GPC5: variants seen among roughly 807,000 people sequenced by gnomAD.
GPC5 encodes the protein glypican-5.
A neutral mutation model predicts 53.9 loss-of-function variants in GPC5; 47 were observed. The observed-to-expected ratio is 0.87, with a 90% CI of 0.69 to 1.11. GPC5 has a LOEUF of 1.11. Ranked by LOEUF, GPC5 falls within the 50% of genes most tolerant of loss-of-function variation. The pLI, the probability that GPC5 is intolerant of heterozygous loss-of-function variation, is 0.00. For missense variants in GPC5, 748 were observed against 713.1 expected (o/e 1.05, Z -0.56); for synonymous variants, 286 against 263.3 (o/e 1.09, Z -0.84).
chr13:91,755,463 C>CA (rs995878662), intron 4 of GPC5, among the ~76,000 whole-genome samples: 3 of 151,658 alleles, frequency 2.0e-5, no homozygotes, highest in African/African-American at 4.8e-5. Context: ...TTGTTTATGT[C>CA]AAAAAAAATC....
intron 6 of GPC5, among the ~76,000 whole-genome samples, chr13:92,021,525 T>C (rs975331066): frequency 6.6e-6 from 1 of 152,162 alleles, no homozygotes; most frequent in Non-Finnish European, 1.5e-5. Context: ...TCAGGCAGGA[T>C]GAATAAGCTC....
At chr13:92,585,719 G>A (rs186126408) in intron 7 of GPC5, among the ~76,000 whole-genome samples, 1,535 of 152,266 alleles carry the variant, frequency 0.01, 27 homozygotes, top group South Asian at 0.027. Context: ...GAATTCCCAC[G>A]TGTTGTGAGA....
chr13:91,829,864 G>A (rs1330063262), intron 5 of GPC5, among the ~76,000 whole-genome samples: 1 of 152,092 alleles, frequency 6.6e-6, no homozygotes, highest in Non-Finnish European at 1.5e-5. Context: ...GTCACAGACA[G>A]CAAGTACTTC....
chr13:92,517,036 G>T (rs534996966), intron 7 of GPC5, among the ~76,000 whole-genome samples: 1 of 152,024 alleles, frequency 6.6e-6, no homozygotes, highest in Non-Finnish European at 1.5e-5. Flanking sequence ...GTTATATCCC[G>T]CGCCTGTCTC....
At chr13:92,339,855 T>C (rs1001003041) in intron 7 of GPC5, 1 of 152,142 alleles carries the variant, frequency 6.6e-6, no homozygotes, top group Non-Finnish European at 1.5e-5. Flanking sequence ...ACCTTATAAT[T>C]ATCAGACAGC....
intron 6 of GPC5, among the ~76,000 whole-genome samples, chr13:91,945,074 A>G (rs992890305): frequency 3.9e-5 from 6 of 152,244 alleles, no homozygotes; most frequent in Non-Finnish European, 7.3e-5. Context: ...AGCATATAAT[A>G]CACCGTAATA....
At chr13:92,653,463 C>CT (rs1289956835) in intron 7 of GPC5, among the ~76,000 whole-genome samples, 4 of 152,152 alleles carry the variant, frequency 2.6e-5, no homozygotes, top group East Asian at 3.9e-4. Flanking sequence ...GCTAAAATGT[C>CT]TTTTTTTCAA....
At chr13:92,567,466 G>A (rs549400715) in intron 7 of GPC5, among the ~76,000 whole-genome samples, 3 of 152,198 alleles carry the variant, frequency 2.0e-5, no homozygotes, top group Non-Finnish European at 4.4e-5. Context: ...TCAGTTACAT[G>A]ATCAAGTGGA....
At chr13:92,613,299 A>T (rs190766633) in intron 7 of GPC5, among the ~76,000 whole-genome samples, 1,854 of 114,646 alleles carry the variant, frequency 0.016, 79 homozygotes, top group African/African-American at 0.062. Flanking sequence ...TATATATAAA[A>T]ATATATAATG....
intron 7 of GPC5, among the ~76,000 whole-genome samples, chr13:92,747,471 G>C (rs541000350): frequency 1.3e-5 from 2 of 152,130 alleles, no homozygotes; most frequent in Non-Finnish European, 2.9e-5. Flanking sequence ...TTTAAGGAGA[G>C]AGCATGAGTG....
intron 6 of GPC5, among the ~76,000 whole-genome samples, chr13:92,137,732 C>T (rs1271034059): frequency 1.3e-5 from 2 of 152,134 alleles, no homozygotes; most frequent in East Asian, 3.9e-4. Flanking sequence ...CTTAAGCAAT[C>T]CTCCCACCTC....
intron 7 of GPC5, among the ~76,000 whole-genome samples, chr13:92,707,842 T>G (rs1156899888): frequency 6.6e-6 from 1 of 152,132 alleles, no homozygotes; most frequent in African/African-American, 2.4e-5. Context: ...TTGGCTTGGT[T>G]TGGATTTCTG....
intron 2 of GPC5, among the ~76,000 whole-genome samples, chr13:91,472,818 G>A (rs748212203): frequency 6.6e-5 from 10 of 152,106 alleles, no homozygotes; most frequent in Non-Finnish European, 1.3e-4. Context: ...GGAGAGTAAA[G>A]GATATAATTT....
chr13:92,295,126 G>A lies in GPC5; in HGVS notation c.1561+150137G>A, dbSNP rs192210257. Among the ~76,000 whole-genome samples, 88 of 152,024 alleles carry A rather than the reference G, an allele frequency of 5.8e-4. 1 individual carries two copies. The highest frequency in any genetic ancestry group is 2.1e-3 in the African/African-American group (86 of 41,474). ...ATTACAGGTGTGAGCCACCATGCCC[G>A]GCCCAAACTTTTCGATGTAGGCACT... On this transcript the variant is annotated intron_variant, in intron 7 of 7. Transcript: ENST00000377067.
At chr13:92,628,516 C>T (rs1342174062) in intron 7 of GPC5, among the ~76,000 whole-genome samples, 1 of 152,034 alleles carries the variant, frequency 6.6e-6, no homozygotes, top group Non-Finnish European at 1.5e-5. Flanking sequence ...CGTGTCCATG[C>T]TCAGCCCTAG....
chr13:92,296,755 T>C (rs2043038110), intron 7 of GPC5, among the ~76,000 whole-genome samples: 1 of 152,102 alleles, frequency 6.6e-6, no homozygotes, highest in South Asian at 2.1e-4. Flanking sequence ...GCCCCGCACT[T>C]GGAGCAGCCA....
chr13:92,561,969 G>C (rs1421210124), intron 7 of GPC5, among the ~76,000 whole-genome samples: 2 of 151,970 alleles, frequency 1.3e-5, no homozygotes, highest in African/African-American at 2.4e-5. Context: ...TCTCTTTCCT[G>C]ATATCTGTTT....
chr13:92,775,830 A>G (rs772933604), intron 7 of GPC5, among the ~76,000 whole-genome samples: 3 of 152,208 alleles, frequency 2.0e-5, no homozygotes, highest in Non-Finnish European at 4.4e-5. Flanking sequence ...ATCGGCTTCC[A>G]ATAAATCATA....
chr13:92,056,370 C>T (rs895063082), intron 6 of GPC5, among the ~76,000 whole-genome samples: 3 of 152,174 alleles, frequency 2.0e-5, no homozygotes, highest in African/African-American at 7.2e-5. Context: ...ATCTCCTCAT[C>T]TCAAAATCCT....
Sources: gnomAD v4.1 joint callset for allele counts (sites outside exome capture counted in the v4.1 genomes callset) on GRCh38, gnomAD v4.1.1 for gene constraint, MANE v1.5 for transcripts, NCBI Gene and HGNC (gene_info 2026-07-23, HGNC 2026-07-21) for gene names.